The following ERBIN variants were observed in gnomAD, a reference collection of about 807,000 sequenced individuals.
The protein encoded by ERBIN is erbb2 interacting protein, also known as densin-180-like protein.
Under a neutral mutation model 158.4 loss-of-function variants are expected in ERBIN, and 60 were observed. The ratio of observed to expected loss-of-function variants is 0.38; its 90% CI spans 0.31 to 0.47. ERBIN has a LOEUF of 0.47. Ranked by LOEUF, ERBIN falls within the 20% of genes least tolerant of loss-of-function variation. The pLI, the probability that ERBIN is intolerant of heterozygous loss-of-function variation, is 0.99. For synonymous variants in ERBIN, 594 were observed against 557.2 expected, an observed-to-expected ratio of 1.07 and a Z score of -0.93; for missense variants, 1,610 against 1,648.0, an observed-to-expected ratio of 0.98 and a Z score of 0.40.
intron 17 of ERBIN, among the ~76,000 whole-genome samples, chr5:66,045,893 C>A (rs761769342): frequency 6.6e-6 from 1 of 152,140 alleles, no homozygotes; most frequent in Non-Finnish European, 1.5e-5. Context: ...CATTTCCTTG[C>A]GATGTTTCAG....
At chr5:66,061,983 C>T (rs969456887) in intron 21 of ERBIN, among the ~76,000 whole-genome samples, 21 of 152,128 alleles carry the variant, frequency 1.4e-4, no homozygotes, top group Non-Finnish European at 2.8e-4. Context: ...AACATTTTTT[C>T]CTTCATTTCA....
intron 1 of ERBIN, among the ~76,000 whole-genome samples, chr5:65,933,575 C>G: frequency 6.6e-6 from 1 of 152,244 alleles, no homozygotes; most frequent in Non-Finnish European, 1.5e-5. Flanking sequence ...TCTGGCTGAC[C>G]GCTCAGGATA....
chr5:65,983,750 C>T (rs1021644030), intron 1 of ERBIN, among the ~76,000 whole-genome samples: 1 of 152,304 alleles, frequency 6.6e-6, no homozygotes, highest in Middle Eastern at 3.4e-3. Flanking sequence ...AGAGTGCAGC[C>T]TTGCCATGGC....
chr5:65,955,376 T>C (rs1370450668), intron 1 of ERBIN, among the ~76,000 whole-genome samples: 1 of 152,148 alleles, frequency 6.6e-6, no homozygotes, highest in Non-Finnish European at 1.5e-5. Flanking sequence ...ATGCCTGTAA[T>C]CCCAGCACTT....
chr5:66,005,993 A>G (rs190047185), intron 4 of ERBIN, among the ~76,000 whole-genome samples: 6,124 of 152,160 alleles, frequency 0.04, 420 homozygotes, highest in African/African-American at 0.14. Context: ...TAGATTCAAT[A>G]CCATCCCCAT....
chr5:66,066,534 A>AAAAAT (rs1561450895), intron 21 of ERBIN, among the ~76,000 whole-genome samples: 208 of 150,056 alleles, frequency 1.4e-3, no homozygotes, highest in African/African-American at 5.0e-3. Flanking sequence ...AAAAAAAAAA[A>AAAAAT]ACAAAAAAAA....
chr5:66,043,986 T>G (rs796182897), intron 16 of ERBIN, 151 bp from the exon 17 acceptor site: 2 of 436,222 alleles, frequency 4.6e-6, no homozygotes, highest in African/African-American at 4.1e-5. Context: ...TTATCAAGCC[T>G]AAAATGCCTT....
At chr5:66,029,761 C>G (rs1756659016) in intron 14 of ERBIN, among the ~76,000 whole-genome samples, 1 of 152,120 alleles carries the variant, frequency 6.6e-6, no homozygotes, top group Non-Finnish European at 1.5e-5. Flanking sequence ...TGTGCCGCCA[C>G]TCCCAGCTAA....
intron 9 of ERBIN, 119 bp downstream of exon 9, chr5:66,023,483 ACAGAAG>A: frequency 1.8e-6 from 1 of 557,974 alleles, no homozygotes; most frequent in Non-Finnish European, 3.0e-6. Flanking sequence ...TCTTTATTAA[ACAGAAG>A]CAAATTACTT....
intron 7 of ERBIN, among the ~76,000 whole-genome samples, chr5:66,018,484 ATATTATATT>A: frequency 7.6e-5 from 1 of 13,198 alleles, no homozygotes; most frequent in African/African-American, 6.1e-4. Flanking sequence ...TATATATTAT[ATATTATATT>A]ATATAATATA....
chr5:65,992,906 A>T lies in ERBIN; in HGVS notation c.188A>T (p.Lys63Met). The T allele has an allele frequency of 6.3e-7, 1 of 1,575,516 alleles. No homozygotes were observed. Among genetic ancestry groups the T allele is most frequent in the East Asian group, 2.3e-5 (1 of 44,334 alleles). The change falls in exon 3 of 26, where the codon AAG becomes ATG. Residue 63 changes from lysine to methionine, a missense_variant and splice_region_variant. By Grantham distance (95) the Lys-to-Met change is moderately conservative (BLOSUM62 -1). Transcript: ENST00000284037. Reference sequence around the variant, plus strand: ...GCTAATCAGATTGAAGAGCTTCCAAAGGTATGCTAATACTTTCTTTCAAGA... The same window carrying T: ...GCTAATCAGATTGAAGAGCTTCCAATGGTATGCTAATACTTTCTTTCAAGA... ...LDANQIEELP[K>M]QLFNCQSLHK... is the part of the protein sequence containing the mutation.
intron 1 of ERBIN, among the ~76,000 whole-genome samples, chr5:65,951,724 C>T (rs557630974): frequency 6.6e-6 from 1 of 152,208 alleles, no homozygotes; most frequent in South Asian, 2.1e-4. Context: ...TGTATAAAGT[C>T]CTTGTTTTTA....
Position 66,050,803 on chromosome 5 carries a change from T to C in ERBIN, c.1924T>C (p.Ser642Pro). 1 of 1,561,532 alleles carries C rather than the reference T, an allele frequency of 6.4e-7. No individual in the cohort carries two copies. Among genetic ancestry groups the C allele is most frequent in the African/African-American group, 1.4e-5 (1 of 71,714 alleles). The change falls in exon 20 of 26, where the codon TCT becomes CCT. Residue 642 changes from serine to proline, a missense_variant. Ser to Pro is a moderately conservative substitution (Grantham distance 74). Transcript: ENST00000284037. Reference protein sequence around the residue: ...NKKDDTKETDSLSDEVTHNSN... With the variant: ...NKKDDTKETDPLSDEVTHNSN... ...TTCAGATGATACAAAGGAAACAGAT[T>C]CTTTATCAGATGAAGTTACACACAA...
chr5:66,039,320 G>A (rs147538225), intron 15 of ERBIN, among the ~76,000 whole-genome samples: 1 of 151,824 alleles, frequency 6.6e-6, no homozygotes, highest in African/African-American at 2.4e-5. Flanking sequence ...AAACACTCTG[G>A]AACCAAGCAT....
At chr5:65,976,526 T>TC (rs1237992445) in intron 1 of ERBIN, among the ~76,000 whole-genome samples, 25 of 151,818 alleles carry the variant, frequency 1.6e-4, no homozygotes, top group African/African-American at 5.3e-4. Flanking sequence ...TTTTCTTTTT[T>TC]TTTTTTTTTA....
chr5:65,984,523 CCA>C (rs1751003862), intron 1 of ERBIN, among the ~76,000 whole-genome samples: 1 of 152,230 alleles, frequency 6.6e-6, no homozygotes, highest in Non-Finnish European at 1.5e-5. Context: ...TCAGTGCAGC[CCA>C]TGATTGGGAA....
At chr5:65,930,201 A>T (rs2150830901) in intron 1 of ERBIN, among the ~76,000 whole-genome samples, 1 of 152,354 alleles carries the variant, frequency 6.6e-6, no homozygotes, top group South Asian at 2.1e-4. Flanking sequence ...ATGCAGTGGA[A>T]AAAGTTTATC....
At chr5:66,015,601 A>G in intron 7 of ERBIN, among the ~76,000 whole-genome samples, 1 of 152,132 alleles carries the variant, frequency 6.6e-6, no homozygotes, top group East Asian at 1.9e-4. Flanking sequence ...AAAATTTGCC[A>G]ACTCATGTTG....
intron 1 of ERBIN, among the ~76,000 whole-genome samples, chr5:65,942,137 T>C (rs1249009909): frequency 6.6e-6 from 1 of 152,246 alleles, no homozygotes; most frequent in African/African-American, 2.4e-5. Context: ...ACTATCACTG[T>C]AAATGACTAG....
Sources: gnomAD v4.1 joint callset for allele counts (sites outside exome capture counted in the v4.1 genomes callset) on GRCh38, gnomAD v4.1.1 for gene constraint, MANE v1.5 for transcripts, NCBI Gene and HGNC (gene_info 2026-07-23, HGNC 2026-07-21) for gene names.